The following RBFOX3 variants were observed in gnomAD, a reference collection of about 807,000 sequenced individuals.
RBFOX3 encodes RNA binding fox-1 homolog 3, also known as RNA binding protein fox-1 homolog 3.
RBFOX3 carries 17 observed loss-of-function variants against 48.7 expected under a neutral mutation model. The observed-to-expected ratio is 0.35, with a 90% CI of 0.24 to 0.52. The LOEUF (loss-of-function observed/expected upper bound fraction) is 0.52, where lower values mean the gene tolerates loss of function less well. Among genes scored for constraint, RBFOX3 ranks in the 20% least tolerant of loss-of-function variants. The pLI is 0.94. For synonymous variants in RBFOX3, 212 were observed against 209.5 expected (o/e 1.01, Z -0.10); for missense variants, 382 against 497.5 (o/e 0.77, Z 2.21).
intron 1 of RBFOX3, among the ~76,000 whole-genome samples, chr17:79,537,776 A>T (rs1239908747): frequency 6.6e-6 from 1 of 152,082 alleles, no homozygotes; most frequent in Non-Finnish European, 1.5e-5. Flanking sequence ...CAAATTGAGG[A>T]GGTGAGTCCC....
At chr17:79,192,869 G>A (rs2054801411) in intron 4 of RBFOX3, among the ~76,000 whole-genome samples, 1 of 152,130 alleles carries the variant, frequency 6.6e-6, no homozygotes, top group African/African-American at 2.4e-5. Flanking sequence ...GCTCCCTTTG[G>A]GGCCCTGCAC....
At chr17:79,516,433 C>G (rs1403071849) in intron 1 of RBFOX3, among the ~76,000 whole-genome samples, 1 of 152,200 alleles carries the variant, frequency 6.6e-6, no homozygotes, top group African/African-American at 2.4e-5. Context: ...GACACAGGCT[C>G]TCACCCCATG....
chr17:79,248,068 G>A (rs965152149), intron 3 of RBFOX3, among the ~76,000 whole-genome samples: 1 of 152,258 alleles, frequency 6.6e-6, no homozygotes, highest in Admixed American at 6.5e-5. Context: ...GTGAGCTCCG[G>A]TGGGGAGACC....
intron 1 of RBFOX3, among the ~76,000 whole-genome samples, chr17:79,503,665 C>T (rs1243418081): frequency 6.6e-6 from 1 of 152,146 alleles, no homozygotes; most frequent in Non-Finnish European, 1.5e-5. Context: ...TGAGGGATCC[C>T]TCCGTGTCCT....
rs760266727 is a variant in RBFOX3 at position 79,361,094 on chromosome 17, C to G, written c.-174-53270G>C. On this transcript the variant is annotated intron_variant, in intron 2 of 14. Transcript: ENST00000693108. The surrounding 1 kb of genome is among the most constrained non-coding windows in gnomAD (Gnocchi z 4.5). ...AAAGGAATAAATGGCCGAACCCCTCCTAAGTCAAGAAAGACACACATTTGG... is the reference window on the plus strand; with the variant it reads ...AAAGGAATAAATGGCCGAACCCCTCGTAAGTCAAGAAAGACACACATTTGG... 1.3e-5 allele frequency among the ~76,000 whole-genome samples: 2 copies of G among 152,124 alleles called. No individual in the cohort carries two copies. The highest frequency in any genetic ancestry group is 4.8e-5 in the African/African-American group (2 of 41,430).
intron 3 of RBFOX3, among the ~76,000 whole-genome samples, chr17:79,272,847 C>T (rs1284077471): frequency 6.6e-6 from 1 of 152,250 alleles, no homozygotes; most frequent in South Asian, 2.1e-4. Flanking sequence ...TTCCCAACAT[C>T]TTTCTCCAGA....
chr17:79,149,582 G>T (rs912131157), intron 4 of RBFOX3, among the ~76,000 whole-genome samples: 2 of 152,080 alleles, frequency 1.3e-5, no homozygotes, highest in Non-Finnish European at 2.9e-5. Context: ...GTCCGTGGAC[G>T]ATTCCTCCTT....
intron 1 of RBFOX3, among the ~76,000 whole-genome samples, chr17:79,567,116 C>A (rs2092483404): frequency 6.6e-6 from 1 of 151,814 alleles, no homozygotes; most frequent in South Asian, 2.1e-4. Context: ...CTTCCATGAG[C>A]TCAACTCTTT....
intron 1 of RBFOX3, among the ~76,000 whole-genome samples, chr17:79,565,233 T>C (rs2092411896): frequency 6.6e-6 from 1 of 152,174 alleles, no homozygotes; most frequent in Non-Finnish European, 1.5e-5. Flanking sequence ...TTGATTTTTG[T>C]TCCCATCTCT....
chr17:79,464,875 G>C (rs913014087), intron 2 of RBFOX3, among the ~76,000 whole-genome samples: 1 of 152,232 alleles, frequency 6.6e-6, no homozygotes, highest in Admixed American at 6.5e-5. Flanking sequence ...TGAGTCCTCA[G>C]TCCCTGCAGA....
intron 2 of RBFOX3, among the ~76,000 whole-genome samples, chr17:79,393,263 GGA>G (rs1373920009): frequency 4.6e-5 from 7 of 152,236 alleles, no homozygotes; most frequent in African/African-American, 1.7e-4. Context: ...AGGGGGAAAG[GGA>G]GGCTTGGGGC....
At chr17:79,316,730 C>T (rs185552099) in intron 2 of RBFOX3, among the ~76,000 whole-genome samples, 1 of 152,278 alleles carries the variant, frequency 6.6e-6, no homozygotes, top group African/African-American at 2.4e-5. Context: ...GAAATAAAAC[C>T]CCTGGATATG....
At chr17:79,226,848 G>C (rs1305894725) in intron 4 of RBFOX3, among the ~76,000 whole-genome samples, 1 of 152,198 alleles carries the variant, frequency 6.6e-6, no homozygotes, top group African/African-American at 2.4e-5. Context: ...GAAAGAGGGA[G>C]CGTGAGGCTG....
At chr17:79,633,539 T>C in the RBFOX3 span, among the ~76,000 whole-genome samples, 1 of 151,694 alleles carries the variant, frequency 6.6e-6, no homozygotes, top group Non-Finnish European at 1.5e-5. Context: ...AAACCCCAGA[T>C]GGGCAGATGC....
At chr17:79,445,958 C>T (rs183619994) in intron 2 of RBFOX3, among the ~76,000 whole-genome samples, 2 of 152,342 alleles carry the variant, frequency 1.3e-5, no homozygotes, top group South Asian at 2.1e-4. Context: ...CCAGTTGTCA[C>T]AGCTGTGGCT....
chr17:79,536,831 A>G (rs2088847708), intron 1 of RBFOX3, among the ~76,000 whole-genome samples: 1 of 152,204 alleles, frequency 6.6e-6, no homozygotes, highest in South Asian at 2.1e-4. Flanking sequence ...TAACACTGTA[A>G]TCCCAGCGCT....
intron 1 of RBFOX3, among the ~76,000 whole-genome samples, chr17:79,492,393 G>A (rs1463296223): frequency 6.6e-6 from 1 of 152,182 alleles, no homozygotes; most frequent in Non-Finnish European, 1.5e-5. Flanking sequence ...CTAAGATTAG[G>A]TCTTAAAAGA....
intron 4 of RBFOX3, among the ~76,000 whole-genome samples, chr17:79,160,806 CTT>C (rs1412091947): frequency 6.6e-6 from 1 of 152,068 alleles, no homozygotes; most frequent in Non-Finnish European, 1.5e-5. Context: ...ATGGTGAAAC[CTT>C]GTCTCTACTA....
chr17:79,226,008 T>C (rs2060274498), intron 4 of RBFOX3, among the ~76,000 whole-genome samples: 1 of 151,954 alleles, frequency 6.6e-6, no homozygotes, highest in Non-Finnish European at 1.5e-5. Flanking sequence ...TAAGTGTAAT[T>C]GATGAGGTGA....
Sources: gnomAD v4.1 joint callset for allele counts (sites outside exome capture counted in the v4.1 genomes callset) on GRCh38, gnomAD v4.1.1 for gene constraint, Gnocchi (gnomAD v3.1) non-coding constraint, MANE v1.5 for transcripts, NCBI Gene and HGNC (gene_info 2026-07-23, HGNC 2026-07-21) for gene names.